The following CTNNA3 variants were observed in gnomAD, a reference collection of about 807,000 sequenced individuals.
CTNNA3 encodes the protein catenin alpha 3.
In CTNNA3, 76 loss-of-function variants were observed where a neutral mutation model predicts 95.7. The observed-to-expected ratio is 0.79, with a 90% CI of 0.66 to 0.96. CTNNA3 has a LOEUF of 0.96. Among genes scored for constraint, CTNNA3 ranks in the 40% least tolerant of loss-of-function variants. The pLI is 0.00. For synonymous variants in CTNNA3, 431 were observed against 374.4 expected, an observed-to-expected ratio of 1.15 and a Z score of -1.74; for missense variants, 1,191 against 1,089.8, an observed-to-expected ratio of 1.09 and a Z score of -1.31.
chr10:66,278,283 G>A (rs1467641782), intron 13 of CTNNA3, among the ~76,000 whole-genome samples: 1 of 151,214 alleles, frequency 6.6e-6, no homozygotes, highest in African/African-American at 2.4e-5. Context: ...TATATTGGTA[G>A]AAATAACATA....
intron 6 of CTNNA3, among the ~76,000 whole-genome samples, chr10:67,188,466 T>C (rs1419812959): frequency 1.3e-5 from 2 of 152,154 alleles, no homozygotes; most frequent in Non-Finnish European, 2.9e-5. Context: ...TTTAGATCCA[T>C]AGAACATGGA....
In CTNNA3 at chr10:66,071,101, A is replaced by G. The variant is rs538350863; in HGVS notation, c.1978-1612T>C. On this transcript the variant is annotated intron_variant, in intron 14 of 17. Coordinates refer to ENST00000433211, the MANE Select transcript of CTNNA3 (RefSeq NM_013266.4). ...ACCACGCTGAAAATTCCAAAGGAAG[A>G]CTTAAGAGAATACTTGATGTTTGGA... is the stretch of plus-strand genomic sequence containing the variant. 4.7e-4 allele frequency among the ~76,000 whole-genome samples: 71 copies of G among 152,298 alleles called. 1 individual carries two copies. The South Asian group carries it at 0.014, about 31-fold the overall frequency.
At chr10:66,147,731 A>G (rs945625648) in intron 13 of CTNNA3, among the ~76,000 whole-genome samples, 2 of 149,700 alleles carry the variant, frequency 1.3e-5, no homozygotes, top group Non-Finnish European at 3.0e-5. Context: ...TTATAAAAGT[A>G]TGTAAAATAT....
In CTNNA3 at chr10:66,721,387, C is replaced by A. The variant is rs375562919; in HGVS notation, c.1281+44877G>T. Among the ~76,000 whole-genome samples the A allele has an allele frequency of 2.6e-5, 4 of 152,054 alleles. No homozygotes were observed. The East Asian group carries it at 7.7e-4, about 29-fold the overall frequency. On this transcript the variant is annotated intron_variant, in intron 9 of 17. Transcript: ENST00000433211. ...TTCCATTCTAATTTTTATAAAATTT[C>A]TTTGTTTTACTTATTAGTATAGTAG...
chr10:67,528,484 C>T (rs1840216262), intron 4 of CTNNA3, among the ~76,000 whole-genome samples: 1 of 152,096 alleles, frequency 6.6e-6, no homozygotes, highest in Non-Finnish European at 1.5e-5. Flanking sequence ...CCATTCAGGA[C>T]TATTACAAGT....
chr10:66,949,672 G>A lies in CTNNA3; in HGVS notation c.1048-174148C>T, dbSNP rs564548086. On this transcript the variant is annotated intron_variant, in intron 7 of 17. Transcript: ENST00000433211. ...TTAAACATGATTGGAGTACCACTAC[G>A]TATGTTTCAAATGCTTATAGTATGT... Among the ~76,000 whole-genome samples, 7 of 152,144 alleles carry A rather than the reference G, an allele frequency of 4.6e-5. 1 individual carries two copies. Among genetic ancestry groups the A allele is most frequent in the African/African-American group, 1.4e-4 (6 of 41,520 alleles).
chr10:66,352,944 G>A (rs2092578397), intron 12 of CTNNA3, among the ~76,000 whole-genome samples: 1 of 151,898 alleles, frequency 6.6e-6, no homozygotes, highest in Non-Finnish European at 1.5e-5. Flanking sequence ...CACTAAAGGG[G>A]CTTCCAAAAA....
At chr10:67,698,925 TAAG>T (rs1841010961), upstream of CTNNA3, among the ~76,000 whole-genome samples, 1 of 152,024 alleles carries the variant, frequency 6.6e-6, no homozygotes, top group Admixed American at 6.6e-5. Context: ...CCTGCCTCAC[TAAG>T]AAGAACAGAA....
intron 5 of CTNNA3, among the ~76,000 whole-genome samples, chr10:67,424,584 C>A (rs572075833): frequency 2.4e-4 from 36 of 152,106 alleles, no homozygotes; most frequent in Non-Finnish European, 5.0e-4. Context: ...CTTCAAGGTA[C>A]CCTAGATAAA....
intron 11 of CTNNA3, among the ~76,000 whole-genome samples, chr10:66,473,741 C>G (rs1373531626): frequency 1.3e-5 from 2 of 151,944 alleles, no homozygotes; most frequent in African/African-American, 4.8e-5. Flanking sequence ...GTTCAATTCC[C>G]ATCTATGAGT....
chr10:66,971,020 T>G (rs1253010221), intron 7 of CTNNA3, among the ~76,000 whole-genome samples: 1 of 152,176 alleles, frequency 6.6e-6, no homozygotes, highest in Non-Finnish European at 1.5e-5. Flanking sequence ...TGCCTTTCTA[T>G]GAGTATTTGC....
At chr10:66,850,497 C>T (rs1843447080) in intron 7 of CTNNA3, among the ~76,000 whole-genome samples, 1 of 152,030 alleles carries the variant, frequency 6.6e-6, no homozygotes, top group African/African-American at 2.4e-5. Context: ...TTCTATATGC[C>T]TTAATCATGC....
intron 1 of CTNNA3, among the ~76,000 whole-genome samples, chr10:67,668,837 T>C (rs982009491): frequency 2.9e-5 from 4 of 137,066 alleles, no homozygotes; most frequent in African/African-American, 6.1e-5. Context: ...TGTTTCTTTT[T>C]TTTTTTTTTT....
At chr10:66,759,496 T>C (rs943089838) in intron 9 of CTNNA3, among the ~76,000 whole-genome samples, 2 of 152,194 alleles carry the variant, frequency 1.3e-5, no homozygotes, top group Admixed American at 1.3e-4. Flanking sequence ...AATAATTCAT[T>C]CAACATTTAT....
chr10:66,389,739 G>GC (rs2092921687), intron 11 of CTNNA3, among the ~76,000 whole-genome samples: 1 of 151,208 alleles, frequency 6.6e-6, no homozygotes, highest in Admixed American at 6.6e-5. Flanking sequence ...GAGAGAGAGA[G>GC]AGAGAGAGAG....
At chr10:66,666,061 C>T (rs1470842566) in intron 9 of CTNNA3, among the ~76,000 whole-genome samples, 2 of 152,136 alleles carry the variant, frequency 1.3e-5, no homozygotes, top group African/African-American at 2.4e-5. Context: ...AAGTCCAACA[C>T]ATTGCAGGCG....
At chr10:66,945,589 G>A (rs371313504) in intron 7 of CTNNA3, among the ~76,000 whole-genome samples, 2 of 152,176 alleles carry the variant, frequency 1.3e-5, no homozygotes, top group East Asian at 3.9e-4. Context: ...CACTGGAGTA[G>A]CACTTTTCAT....
chr10:66,091,213 C>T (rs2081200823), intron 14 of CTNNA3, among the ~76,000 whole-genome samples: 1 of 151,890 alleles, frequency 6.6e-6, no homozygotes, highest in African/African-American at 2.4e-5. Flanking sequence ...ACCACAAACA[C>T]CTTTAAACCT....
At chr10:67,351,086 A>G (rs1043826660) in intron 5 of CTNNA3, among the ~76,000 whole-genome samples, 1 of 147,782 alleles carries the variant, frequency 6.8e-6, no homozygotes, top group African/African-American at 2.5e-5. Context: ...ATGAATCTCA[A>G]ATGCTTTATG....
Sources: gnomAD v4.1 joint callset for allele counts (sites outside exome capture counted in the v4.1 genomes callset) on GRCh38, gnomAD v4.1.1 for gene constraint, MANE v1.5 for transcripts, NCBI Gene and HGNC (gene_info 2026-07-23, HGNC 2026-07-21) for gene names.